Variants in HBP1 observed in about 807,000 individuals in gnomAD.
HBP1 encodes HMG-box transcription factor 1.
HBP1 carries 20 observed loss-of-function variants against 62.6 expected under a neutral mutation model. The observed-to-expected ratio is 0.32, with a 90% CI of 0.22 to 0.46. HBP1 has a LOEUF of 0.46. Ranked by LOEUF, HBP1 falls within the 20% of genes least tolerant of loss-of-function variation. The pLI is 1.00. For missense variants in HBP1, 480 were observed against 611.8 expected, an observed-to-expected ratio of 0.78 and a Z score of 2.27; for synonymous variants, 232 against 206.2, an observed-to-expected ratio of 1.12 and a Z score of -1.07.
intron 1 of HBP1, among the ~76,000 whole-genome samples, chr7:107,171,809 A>G (rs1181019879): frequency 6.6e-6 from 1 of 150,872 alleles, no homozygotes; most frequent in African/African-American, 2.4e-5. Flanking sequence ...GCAGTGAGAC[A>G]AGATCAGGCC....
At chr7:107,188,964 C>T (rs1208014086) in intron 6 of HBP1, among the ~76,000 whole-genome samples, 1 of 152,158 alleles carries the variant, frequency 6.6e-6, no homozygotes, top group Non-Finnish European at 1.5e-5. Context: ...TTACAAATTT[C>T]TTGGTGCAAG....
chr7:107,175,649 C>T (rs1286381711), intron 1 of HBP1, among the ~76,000 whole-genome samples: 1 of 152,046 alleles, frequency 6.6e-6, no homozygotes, highest in Non-Finnish European at 1.5e-5. Flanking sequence ...TCTGATCTCA[C>T]TAGGACTTTG....
intron 1 of HBP1, among the ~76,000 whole-genome samples, chr7:107,172,921 G>A (rs1248998348): frequency 6.6e-6 from 1 of 152,110 alleles, no homozygotes; most frequent in African/African-American, 2.4e-5. Context: ...AAAAAAAACA[G>A]GTCCAAATAA....
intron 1 of HBP1, among the ~76,000 whole-genome samples, chr7:107,171,073 A>ATATATTTTTTTTTTTTTTT: frequency 3.4e-5 from 3 of 87,194 alleles, no homozygotes; most frequent in African/African-American, 2.0e-4. Flanking sequence ...ATATATATAT[A>ATATATTTTTTTTTTTTTTT]TTTTTTTTTT....
At chr7:107,198,909 C>T (rs535476773) in intron 9 of HBP1, among the ~76,000 whole-genome samples, 15 of 152,290 alleles carry the variant, frequency 9.8e-5, no homozygotes, top group East Asian at 5.8e-4. Flanking sequence ...ATAAATGTTT[C>T]GCAAGTGCCA....
intron 2 of HBP1, among the ~76,000 whole-genome samples, chr7:107,180,698 T>C (rs1193120037): frequency 6.6e-6 from 1 of 152,202 alleles, no homozygotes; most frequent in African/African-American, 2.4e-5. Flanking sequence ...GCTGTCTTAA[T>C]TTTACAAATG....
chr7:107,200,115 T>A, intron 9 of HBP1, 45 bp from the exon 10 acceptor site: 1 of 1,446,184 alleles, frequency 6.9e-7, no homozygotes, highest in South Asian at 1.5e-5. Flanking sequence ...ATGAGATTTA[T>A]GAAAAATGTG....
intron 9 of HBP1, among the ~76,000 whole-genome samples, chr7:107,198,948 C>T (rs1798062185): frequency 6.6e-6 from 1 of 152,132 alleles, no homozygotes; most frequent in Admixed American, 6.5e-5. Flanking sequence ...CATGTTCTTT[C>T]CTACTGTGGA....
intron 6 of HBP1, 41 bp from the exon 7 acceptor site, chr7:107,189,251 T>A (rs1180517192): frequency 6.4e-7 from 1 of 1,558,162 alleles, no homozygotes; most frequent in Non-Finnish European, 8.8e-7. Context: ...TGTTTTGAAT[T>A]GAACATTTCC....
In HBP1 at chr7:107,202,150, A is replaced by G. The variant is rs532499495; in HGVS notation, c.*719A>G. The G allele has an allele frequency of 2.0e-5, 3 of 152,812 alleles. No individual in the cohort carries two copies. The South Asian group carries it at 6.2e-4, about 32-fold the overall frequency. The allele number at this position is 152,812 out of a possible 1,614,324, so 9.5% of individuals were successfully genotyped here. A position where few individuals can be genotyped will look rare whatever the true frequency, so the allele number is the denominator to read the frequency against. On this transcript the variant is annotated 3_prime_UTR_variant, in exon 11 of 11. Coordinates refer to ENST00000222574, the MANE Select transcript of HBP1 (RefSeq NM_012257.4). Reference sequence around the variant, plus strand: ...GGGATATAGTCACTGTAATGGTGCTATTAACAAACAGTCAACACCATTGTA... The same window carrying G: ...GGGATATAGTCACTGTAATGGTGCTGTTAACAAACAGTCAACACCATTGTA...
chr7:107,194,142 C>T (rs1797780563), intron 8 of HBP1, among the ~76,000 whole-genome samples: 1 of 152,152 alleles, frequency 6.6e-6, no homozygotes. Context: ...TACTCTATGT[C>T]ATTACTGCTG....
chr7:107,171,388 TTGGATTCTTTCCTCACTAATCGAAG>T (rs944095341), intron 1 of HBP1, among the ~76,000 whole-genome samples: 1 of 151,826 alleles, frequency 6.6e-6, no homozygotes, highest in African/African-American at 2.4e-5. Context: ...TTTAACTTCT[TTGGATTCTTTCCTCACTAATCGAAG>T]TGGCCAGTGA....
intron 1 of HBP1, 35 bp downstream of exon 1, chr7:107,169,220 TGGGGAAGGGA>T: frequency 5.8e-5 from 1 of 17,194 alleles, no homozygotes; most frequent in Non-Finnish European, 9.3e-5. Flanking sequence ...GAGGTGGGGG[TGGGGAAGGGA>T]GGGGCAGGAG....
Position 107,169,153 on chromosome 7 carries a change from G to A in HBP1, c.-48G>A. 1.7e-6 allele frequency: 2 copies of A among 1,169,104 alleles called. No individual in the cohort carries two copies. The highest frequency in any genetic ancestry group is 1.5e-5 in the South Asian group (1 of 65,516). 72.4% of individuals were successfully genotyped at this position (1,169,104 alleles called of 1,614,324 possible). ...TGGTGGTGTTGTCGTGGCCGGAGCG[G>A]CCCGCGCCTGGGCTGCCGGCACTTC... On this transcript the variant is annotated 5_prime_UTR_variant, in exon 1 of 11. Coordinates refer to ENST00000222574, the MANE Select transcript of HBP1 (RefSeq NM_012257.4).
At chr7:107,187,725 T>A (rs971587654) in intron 6 of HBP1, among the ~76,000 whole-genome samples, 4 of 152,226 alleles carry the variant, frequency 2.6e-5, no homozygotes, top group Non-Finnish European at 5.9e-5. Flanking sequence ...TTTATTCTGA[T>A]TTCTAGGAAG....
intron 1 of HBP1, chr7:107,174,354 T>C (rs1046853433): frequency 3.7e-6 from 2 of 539,852 alleles, no homozygotes; most frequent in Non-Finnish European, 4.7e-6. Flanking sequence ...CACATAGAAC[T>C]TATATTCAGT....
rs183175015 is a variant in HBP1, at chr7:107,187,192, G to T, written c.765+511G>T. On this transcript the variant is annotated intron_variant, in intron 6 of 10. Coordinates refer to ENST00000222574, the MANE Select transcript of HBP1 (RefSeq NM_012257.4). ...GGTGTGAACCCAGGAGGCAGAGCTT[G>T]CAGTGAGCCAAGATTGCGCCACTGC... is the stretch of plus-strand genomic sequence containing the variant. 9.5e-4 allele frequency among the ~76,000 whole-genome samples: 144 copies of T among 152,206 alleles called. 1 individual carries two copies. The East Asian group carries it at 0.028, about 29-fold the overall frequency.
intron 1 of HBP1, among the ~76,000 whole-genome samples, chr7:107,174,214 A>G (rs1796732891): frequency 6.6e-6 from 1 of 152,240 alleles, no homozygotes; most frequent in Admixed American, 6.5e-5. Context: ...TTACACAGCT[A>G]GTAAGAGTGA....
intron 6 of HBP1, among the ~76,000 whole-genome samples, chr7:107,187,068 C>T (rs999458964): frequency 2.6e-5 from 4 of 152,018 alleles, no homozygotes; most frequent in South Asian, 2.1e-4. Flanking sequence ...CTGGCTAACG[C>T]GGTGAAACCC....
Sources: allele counts gnomAD v4.1 joint callset (sites outside exome capture counted in the v4.1 genomes callset), GRCh38; gene constraint gnomAD v4.1.1; transcripts MANE v1.5; gene names NCBI Gene and HGNC (gene_info 2026-07-23, HGNC 2026-07-21).